The following DLGAP2 variants were observed in gnomAD, a reference collection of about 807,000 sequenced individuals.
DLGAP2 encodes DLG associated protein 2, also known as disks large-associated protein 2.
Under a neutral mutation model 100.3 loss-of-function variants are expected in DLGAP2, and 26 were observed. That is an observed-to-expected ratio of 0.26 (90% CI 0.19 to 0.36). The LOEUF (loss-of-function observed/expected upper bound fraction) is 0.36. DLGAP2 is among the 10% of genes least tolerant of loss of function. DLGAP2 has a pLI of 1.00. For missense variants in DLGAP2, 1,858 were observed against 1,453.2 expected (o/e 1.28, Z -4.53); for synonymous variants, 886 against 630.1 (o/e 1.41, Z -6.08).
chr8:1,003,442 A>C (rs930123268), intron 2 of DLGAP2: 2 of 152,244 alleles, frequency 1.3e-5, no homozygotes, highest in Non-Finnish European at 2.9e-5. Context: ...ATTAAAGGCT[A>C]ATATATCCAT....
intron 3 of DLGAP2, among the ~76,000 whole-genome samples, chr8:1,293,056 A>T (rs966095536): frequency 8.5e-5 from 13 of 152,276 alleles, no homozygotes; most frequent in African/African-American, 3.1e-4. Context: ...AAGCAGCTGG[A>T]GTAAGTCAAC....
At chr8:1,430,528 G>C (rs1279564764) in intron 3 of DLGAP2, among the ~76,000 whole-genome samples, 1 of 152,172 alleles carries the variant, frequency 6.6e-6, no homozygotes, top group Non-Finnish European at 1.5e-5. Flanking sequence ...TACAGGCCTT[G>C]TAGCTAAGGT....
chr8:1,254,980 T>TGCTGTGTGTGTGTCCTCTCCTGCCCGGCC (rs1563043232), intron 2 of DLGAP2, among the ~76,000 whole-genome samples: 1 of 103,622 alleles, frequency 9.7e-6, no homozygotes, highest in African/African-American at 4.3e-5. Flanking sequence ...CCTGTCCGGG[T>TGCTGTGTGTGTGTCCTCTCCTGCCCGGCC]GCTGTGTGTG....
intron 3 of DLGAP2, among the ~76,000 whole-genome samples, chr8:1,481,478 T>TTTTC (rs1554480831): frequency 1.7e-3 from 217 of 131,324 alleles, no homozygotes; most frequent in African/African-American, 5.9e-3. Flanking sequence ...TTTCTTTTTT[T>TTTTC]TTTTTTTTTT....
intron 1 of DLGAP2, among the ~76,000 whole-genome samples, chr8:890,035 C>A (rs1487877019): frequency 6.6e-6 from 1 of 152,076 alleles, no homozygotes; most frequent in Non-Finnish European, 1.5e-5. Context: ...CGGGTGGCCC[C>A]CTCACCACAC....
At chr8:980,927 A>G (rs1800313775) in intron 2 of DLGAP2, among the ~76,000 whole-genome samples, 2 of 152,186 alleles carry the variant, frequency 1.3e-5, no homozygotes, top group African/African-American at 2.4e-5. Context: ...CAAAATGTAC[A>G]TAACATAAAA....
intron 3 of DLGAP2, among the ~76,000 whole-genome samples, chr8:1,481,471 C>CTTTTTTTTTTTTTTTTTTTTTTTTT (rs1165790168): frequency 4.6e-5 from 2 of 43,696 alleles, no homozygotes; most frequent in Non-Finnish European, 9.1e-5. Flanking sequence ...TTTTCTTTTT[C>CTTTTTTTTTTTTTTTTTTTTTTTTT]TTTTTTTTTT....
chr8:946,528 G>A (rs1276790386), intron 2 of DLGAP2, among the ~76,000 whole-genome samples: 1 of 152,032 alleles, frequency 6.6e-6, no homozygotes, highest in Admixed American at 6.5e-5. Context: ...CTCCCAAAGT[G>A]CTGGGATTAC....
At chr8:856,186 T>TTCTTCTTC (rs1554433990) in intron 1 of DLGAP2, among the ~76,000 whole-genome samples, 10,747 of 122,992 alleles carry the variant, frequency 0.087, 662 homozygotes, top group East Asian at 0.39. Context: ...CTTCTTCTTC[T>TTCTTCTTC]TTTTTTTTTT....
chr8:1,595,859 A>T (rs1397331346), intron 6 of DLGAP2, among the ~76,000 whole-genome samples: 1 of 150,412 alleles, frequency 6.6e-6, no homozygotes, highest in African/African-American at 2.4e-5. Flanking sequence ...TTTTTTTAAT[A>T]GTAATTTTTT....
intron 2 of DLGAP2, among the ~76,000 whole-genome samples, chr8:965,244 C>G: frequency 7.0e-6 from 1 of 143,868 alleles, no homozygotes; most frequent in African/African-American, 2.7e-5. Flanking sequence ...CACTGTTCAC[C>G]TCACACGGCT....
chr8:1,173,599 C>T (rs972241350), intron 2 of DLGAP2, among the ~76,000 whole-genome samples: 11 of 152,130 alleles, frequency 7.2e-5, no homozygotes, highest in African/African-American at 2.4e-4. Flanking sequence ...GGGCGCCCCT[C>T]CCCCAGCCTC....
chr8:1,341,126 T>TTGATAG (rs1444900623), intron 3 of DLGAP2, among the ~76,000 whole-genome samples: 1 of 152,090 alleles, frequency 6.6e-6, no homozygotes, highest in African/African-American at 2.4e-5. Flanking sequence ...AAGTAACTAA[T>TTGATAG]TGATAGTAGG....
chr8:837,801 C>T (rs991866684), intron 1 of DLGAP2, among the ~76,000 whole-genome samples: 1 of 150,528 alleles, frequency 6.6e-6, no homozygotes, highest in South Asian at 2.1e-4. Flanking sequence ...ACTGCAACTT[C>T]TGCCTCCCGG....
chr8:1,342,595 A>G (rs1190801882), intron 3 of DLGAP2, among the ~76,000 whole-genome samples: 3 of 152,216 alleles, frequency 2.0e-5, no homozygotes, highest in Admixed American at 6.5e-5. Context: ...ACAAGTGCCA[A>G]AGGCTGGCTG....
intron 2 of DLGAP2, among the ~76,000 whole-genome samples, chr8:1,070,315 A>G (rs190280371): frequency 1.3e-5 from 2 of 152,272 alleles, no homozygotes; most frequent in East Asian, 3.9e-4. Flanking sequence ...GGCAGAGAAG[A>G]GGCCCTGTGT....
At chr8:1,353,631 G>T (rs757592281) in intron 3 of DLGAP2, among the ~76,000 whole-genome samples, 1 of 152,130 alleles carries the variant, frequency 6.6e-6, no homozygotes, top group East Asian at 1.9e-4. Context: ...AAGGTGAGGG[G>T]TATTTGTACT....
chr8:1,287,332 T>TGC lies in DLGAP2; in HGVS notation c.106+28451_106+28452dup, dbSNP rs1419817453. On this transcript the variant is annotated intron_variant, in intron 3 of 14. Coordinates refer to ENST00000637795, the MANE Select transcript of DLGAP2 (RefSeq NM_001346810.2). ...GGTTCAGCGTGTGTGTGTGTGTGTG[T>TGC]GCGTGGTTCTGTTAGGAGGGGAACT... Among the ~76,000 whole-genome samples the TGC allele has an allele frequency of 3.5e-3, 333 of 95,948 alleles. 23 individuals carry two copies. The highest frequency in any genetic ancestry group is 5.5e-3 in the Non-Finnish European group (279 of 50,634). 62.9% of individuals were successfully genotyped at this position (95,948 alleles called of 152,430 possible).
intron 2 of DLGAP2, among the ~76,000 whole-genome samples, chr8:1,193,565 A>T (rs1245108667): frequency 6.6e-6 from 1 of 152,162 alleles, no homozygotes; most frequent in Non-Finnish European, 1.5e-5. Context: ...CTTCTTGTTT[A>T]AAGCTGGATA....
Sources: allele counts gnomAD v4.1 joint callset (sites outside exome capture counted in the v4.1 genomes callset), GRCh38; gene constraint gnomAD v4.1.1; transcripts MANE v1.5; gene names NCBI Gene and HGNC (gene_info 2026-07-23, HGNC 2026-07-21).